PHACTR2: variants seen among roughly 807,000 people sequenced by gnomAD.
PHACTR2 encodes phosphatase and actin regulator 2.
Under a neutral mutation model 76.0 loss-of-function variants are expected in PHACTR2, and 30 were observed. The observed-to-expected ratio is 0.39, with a 90% CI of 0.30 to 0.54. The LOEUF is 0.54. PHACTR2 is among the 20% of genes least tolerant of loss of function. The probability of loss-of-function intolerance (pLI) is 0.61; values close to 1 mark genes in which losing one functional copy is unlikely to be tolerated. For missense variants in PHACTR2, 696 were observed against 781.1 expected, an observed-to-expected ratio of 0.89 and a Z score of 1.30; for synonymous variants, 292 against 292.5, an observed-to-expected ratio of 1.00 and a Z score of 0.02.
At position 143,683,463 on chromosome 6, in the gene PHACTR2, C is replaced by T. The variant is rs140681770; in HGVS notation, c.46+5254C>T. Among the ~76,000 whole-genome samples, 899 of 152,272 alleles carry T rather than the reference C, an allele frequency of 5.9e-3. 9 individuals carry two copies. The highest frequency in any genetic ancestry group is 0.019 in the African/African-American group (777 of 41,542). On this transcript the variant is annotated intron_variant, in intron 1 of 12. Transcript: ENST00000440869. The surrounding 1 kb of genome is among the most constrained non-coding windows in gnomAD (Gnocchi z 4.1). Reference sequence around the variant, plus strand: ...TTTTTCCAACCCCACCCCATTTTCACGGTGCCACAGATCAGCACTTGGCTG... The same window carrying T: ...TTTTTCCAACCCCACCCCATTTTCATGGTGCCACAGATCAGCACTTGGCTG...
At chr6:143,632,435 A>T (rs959032324) in intron 1 of PHACTR2, among the ~76,000 whole-genome samples, 2 of 152,230 alleles carry the variant, frequency 1.3e-5, no homozygotes, top group Non-Finnish European at 2.9e-5. Flanking sequence ...TTTAAAAGTT[A>T]ATGAACTTTG....
rs6911378 is a variant in PHACTR2 at position 143,543,939 on chromosome 6, G to A, written c.217+6732G>A. Reference sequence around the variant, plus strand: ...CTGTCAGGGCTCAGAAAACAATACCGCAAAGCGTGGTGCTTTGATGTGCTG... The same window carrying A: ...CTGTCAGGGCTCAGAAAACAATACCACAAAGCGTGGTGCTTTGATGTGCTG... On this transcript the variant is annotated intron_variant, in intron 1 of 11. Coordinates refer to the PHACTR2 transcript ENST00000367584. This position sits in a 1 kb window ranked among gnomAD's most constrained non-coding sequence, Gnocchi z 4.7. Among the ~76,000 whole-genome samples the A allele has an allele frequency of 1.3e-5, 2 of 151,908 alleles. No homozygotes were observed. The highest frequency in any genetic ancestry group is 2.1e-4 in the South Asian group (1 of 4,814).
At position 143,829,037 on chromosome 6, in the gene PHACTR2, C is replaced by T. The variant is rs1582922980; in HGVS notation, c.*5348C>T. The T allele has an allele frequency of 6.6e-6, 1 of 152,054 alleles. No homozygotes were observed. The highest frequency in any genetic ancestry group is 2.1e-4 in the South Asian group (1 of 4,812). 9.4% of individuals were successfully genotyped at this position (152,054 alleles called of 1,614,324 possible). The stretch of plus-strand genomic sequence containing the variant: ...GAATGGTTTTTCTCCCTTCATTTTT[C>T]GAGCCTTTCTCTCAGTGCAGCTGTT... On this transcript the variant is annotated 3_prime_UTR_variant, in exon 13 of 13. Coordinates refer to ENST00000440869, the MANE Select transcript of PHACTR2 (RefSeq NM_001100164.2).
chr6:143,682,277 G>A (rs1318142894), intron 1 of PHACTR2, among the ~76,000 whole-genome samples: 7 of 152,070 alleles, frequency 4.6e-5, no homozygotes, highest in Admixed American at 3.3e-4. Flanking sequence ...GCAGTGGTGC[G>A]ATCATGGCTT....
intron 6 of PHACTR2, among the ~76,000 whole-genome samples, chr6:143,770,332 G>A (rs1775068719): frequency 6.6e-6 from 1 of 152,192 alleles, no homozygotes; most frequent in South Asian, 2.1e-4. Flanking sequence ...TAGAATGGTA[G>A]TTGCCAATGG....
rs1779272357 is a variant in PHACTR2, at chr6:143,755,227, T to C, written c.454+1315T>C. 4.4e-6 allele frequency: 2 copies of C among 452,918 alleles called. No homozygotes were observed. Among genetic ancestry groups the C allele is most frequent in the Admixed American group, 4.7e-5 (2 of 42,204 alleles). The allele number at this position is 452,918 out of a possible 1,614,324, so 28.1% of individuals were successfully genotyped here. A position where few individuals can be genotyped will look rare whatever the true frequency, so the allele number is the denominator to read the frequency against. On this transcript the variant is annotated intron_variant, in intron 4 of 12. Transcript: ENST00000440869. This position sits in a 1 kb window ranked among gnomAD's most constrained non-coding sequence, Gnocchi z 5.2. ...TAAAAAGAAAGTAGACTTAAATAAA[T>C]TTTAGTGGGATTCAGTTGAAAGTAT...
intron 1 of PHACTR2, among the ~76,000 whole-genome samples, chr6:143,566,301 T>A (rs1775361510): frequency 6.6e-6 from 1 of 151,814 alleles, no homozygotes. Context: ...ACTTATTTTG[T>A]ATTTTTTTTT....
At position 143,537,631 on chromosome 6, in the gene PHACTR2, G is replaced by A. The variant is rs1325697798; in HGVS notation, c.217+424G>A. On this transcript the variant is annotated intron_variant, in intron 1 of 11. Transcript: ENST00000367584. The surrounding 1 kb of genome is among the most constrained non-coding windows in gnomAD (Gnocchi z 4.4). ...CACTTTGCGGGCTGGGACCAGGGCA[G>A]GTCTTGGGAGGCTTCCCAACTAACT... Among the ~76,000 whole-genome samples the A allele has an allele frequency of 6.6e-6, 1 of 152,192 alleles. No individual in the cohort carries two copies. Among genetic ancestry groups the A allele is most frequent in the African/African-American group, 2.4e-5 (1 of 41,466 alleles).
intron 1 of PHACTR2, among the ~76,000 whole-genome samples, chr6:143,702,828 A>G (rs1777948074): frequency 7.9e-6 from 1 of 127,054 alleles, no homozygotes; most frequent in Non-Finnish European, 1.6e-5. Flanking sequence ...CTCTACCTTT[A>G]ATCTTGCTTC....
At chr6:143,609,632 G>A (rs935301424) in intron 1 of PHACTR2, among the ~76,000 whole-genome samples, 7 of 152,076 alleles carry the variant, frequency 4.6e-5, no homozygotes, top group Non-Finnish European at 7.4e-5. Context: ...TAATTACAGT[G>A]GTAGAGTGAG....
At chr6:143,560,854 G>A (rs1039526878) in intron 1 of PHACTR2, among the ~76,000 whole-genome samples, 4 of 151,492 alleles carry the variant, frequency 2.6e-5, no homozygotes. Flanking sequence ...AACTCTGGGG[G>A]ATTGGGATAT....
At position 143,708,113 on chromosome 6, in the gene PHACTR2, C is replaced by T. The variant is rs1020936680; in HGVS notation, c.47-3903C>T. Among the ~76,000 whole-genome samples, 6 of 152,298 alleles carry T rather than the reference C, an allele frequency of 3.9e-5. No homozygotes were observed. Among genetic ancestry groups the T allele is most frequent in the African/African-American group, 9.6e-5 (4 of 41,560 alleles). ...ATTTGGGTGAGGATACATTTCTAAA[C>T]CTTATCAATATGATAATTATCTAGC... On this transcript the variant is annotated intron_variant, in intron 1 of 12. Coordinates refer to ENST00000440869, the MANE Select transcript of PHACTR2 (RefSeq NM_001100164.2). The surrounding 1 kb of genome is among the most constrained non-coding windows in gnomAD (Gnocchi z 5.5).
rs1342332982 is a variant in PHACTR2, at chr6:143,619,963, G to GC, written c.13+11641_13+11642insC. Among the ~76,000 whole-genome samples, 1 of 93,746 alleles carries GC rather than the reference G, an allele frequency of 1.1e-5. No individual in the cohort carries two copies. Among genetic ancestry groups the GC allele is most frequent in the African/African-American group, 3.5e-5 (1 of 28,830 alleles). The allele number at this position is 93,746 out of a possible 152,430, so 61.5% of individuals were successfully genotyped here. On this transcript the variant is annotated intron_variant, in intron 1 of 11. Coordinates refer to the PHACTR2 transcript ENST00000305766. This position sits in a 1 kb window ranked among gnomAD's most constrained non-coding sequence, Gnocchi z 4.5. ...AACATGTCACTCGGTCGGGGGTGGG[G>GC]GGTCAGTTCATTTGTTCAAACAGTA...
intron 1 of PHACTR2, among the ~76,000 whole-genome samples, chr6:143,586,810 C>T (rs1373975137): frequency 6.6e-6 from 1 of 152,176 alleles, no homozygotes; most frequent in Non-Finnish European, 1.5e-5. Context: ...TAATTGAAAA[C>T]TGCTTCTGCC....
chr6:143,595,905 G>A lies in PHACTR2; in HGVS notation c.217+58698G>A, dbSNP rs1775745434. On this transcript the variant is annotated intron_variant, in intron 1 of 11. Transcript: ENST00000367584. The surrounding 1 kb of genome is among the most constrained non-coding windows in gnomAD (Gnocchi z 4.2). ...TTCTCCCTTCCTGTCTACTGAGTTG[G>A]GTGGGTTATAGGTAGCGTCACTTAG... Among the ~76,000 whole-genome samples the A allele has an allele frequency of 6.6e-6, 1 of 152,088 alleles. No homozygotes were observed. The highest frequency in any genetic ancestry group is 1.5e-5 in the Non-Finnish European group (1 of 68,016).
chr6:143,633,807 T>C lies in PHACTR2; in HGVS notation c.13+25485T>C, dbSNP rs1377736285. Among the ~76,000 whole-genome samples the C allele has an allele frequency of 6.6e-6, 1 of 152,212 alleles. No individual in the cohort carries two copies. The highest frequency in any genetic ancestry group is 1.5e-5 in the Non-Finnish European group (1 of 68,028). On this transcript the variant is annotated intron_variant, in intron 1 of 11. Coordinates refer to the PHACTR2 transcript ENST00000305766. The surrounding 1 kb of genome is among the most constrained non-coding windows in gnomAD (Gnocchi z 4.1). ...TATTTAGATCCATAATCGATTTTGATATTTTATAAAGGTCTCTGTCTAGAT... is the reference window on the plus strand; with the variant it reads ...TATTTAGATCCATAATCGATTTTGACATTTTATAAAGGTCTCTGTCTAGAT...
At chr6:143,729,591 C>T (rs1778656891) in intron 2 of PHACTR2, among the ~76,000 whole-genome samples, 1 of 152,052 alleles carries the variant, frequency 6.6e-6, no homozygotes, top group Admixed American at 6.6e-5. Flanking sequence ...TTGAAAAGAT[C>T]ATCCTTTTTC....
chr6:143,729,425 G>T (rs1390453384), intron 2 of PHACTR2, among the ~76,000 whole-genome samples: 1 of 151,974 alleles, frequency 6.6e-6, no homozygotes, highest in African/African-American at 2.4e-5. Flanking sequence ...AGGTCACAAA[G>T]ATTTTTATCC....
Position 143,827,950 on chromosome 6 carries a change from C to G in PHACTR2, c.*4261C>G, listed in dbSNP as rs984585148. The G allele has an allele frequency of 2.0e-5, 3 of 151,860 alleles. No homozygotes were observed. The highest frequency in any genetic ancestry group is 7.3e-5 in the African/African-American group (3 of 41,314). The allele number at this position is 151,860 out of a possible 1,614,324, so 9.4% of individuals were successfully genotyped here. ...TTGAGGTCAGGAGTTCGAGACCAGC[C>G]TGGCCAACATGGTGAAACCCTGTCT... is the stretch of plus-strand genomic sequence containing the variant. On this transcript the variant is annotated 3_prime_UTR_variant, in exon 13 of 13. Transcript: ENST00000440869.
Sources: allele counts gnomAD v4.1 joint callset (sites outside exome capture counted in the v4.1 genomes callset), GRCh38; gene constraint gnomAD v4.1.1; non-coding constraint Gnocchi (gnomAD v3.1); transcripts MANE v1.5; gene names NCBI Gene and HGNC (gene_info 2026-07-23, HGNC 2026-07-21).